The following PLAAT5 variants were observed in gnomAD, a reference collection of about 807,000 sequenced individuals.
PLAAT5 encodes the protein Ca(2+)-independent N-acyltransferase.
PLAAT5 carries 27 observed loss-of-function variants against 27.8 expected under a neutral mutation model. The ratio of observed to expected loss-of-function variants is 0.97; its 90% CI spans 0.72 to 1.34. PLAAT5 has a LOEUF of 1.34. Ranked by LOEUF, PLAAT5 falls within the 40% of genes most tolerant of loss-of-function variation. The pLI, the probability that PLAAT5 is intolerant of heterozygous loss-of-function variation, is 0.00. For synonymous variants in PLAAT5, 125 were observed against 136.1 expected, an observed-to-expected ratio of 0.92 and a Z score of 0.57; for missense variants, 368 against 343.8, an observed-to-expected ratio of 1.07 and a Z score of -0.56.
intron 3 of PLAAT5, among the ~76,000 whole-genome samples, chr11:63,480,399 A>G (rs2016255942): frequency 6.6e-6 from 1 of 152,218 alleles, no homozygotes; most frequent in Non-Finnish European, 1.5e-5. Context: ...TTGGAGAAGG[A>G]AAGAGGAGGG....
At chr11:63,463,809 C>T (rs1182288908) in intron 5 of PLAAT5, among the ~76,000 whole-genome samples, 2 of 152,188 alleles carry the variant, frequency 1.3e-5, no homozygotes, top group Non-Finnish European at 2.9e-5. Context: ...ACCCCTTCCT[C>T]CCTCTGTGCC....
In PLAAT5 at chr11:63,483,812, T is replaced by A. The variant is rs553405540; in HGVS notation, c.345+5059A>T. On this transcript the variant is annotated intron_variant, in intron 3 of 5. Coordinates refer to ENST00000540857, the MANE Select transcript of PLAAT5 (RefSeq NM_001146729.2). The stretch of plus-strand genomic sequence containing the variant: ...ATATATATATATATGTATATATATA[T>A]ATATATATATATATATATATATATA... Among the ~76,000 whole-genome samples, 455 of 97,318 alleles carry A rather than the reference T, an allele frequency of 4.7e-3. 12 individuals carry two copies. The highest frequency in any genetic ancestry group is 0.017 in the African/African-American group (426 of 24,866). The allele number at this position is 97,318 out of a possible 152,430, so 63.8% of individuals were successfully genotyped here. A position where few individuals can be genotyped will look rare whatever the true frequency, so the allele number is the denominator to read the frequency against.
intron 3 of PLAAT5, among the ~76,000 whole-genome samples, chr11:63,481,542 C>T (rs2016284652): frequency 6.6e-6 from 1 of 152,224 alleles, no homozygotes; most frequent in South Asian, 2.1e-4. Context: ...AGGCTGGCAA[C>T]CCAGCTCTGG....
intron 3 of PLAAT5, among the ~76,000 whole-genome samples, chr11:63,475,322 G>A (rs2016127195): frequency 6.6e-6 from 1 of 151,788 alleles, no homozygotes; most frequent in South Asian, 2.1e-4. Flanking sequence ...TACTTTTTGG[G>A]ATTATTTTGT....
intron 3 of PLAAT5, among the ~76,000 whole-genome samples, chr11:63,480,402 G>A (rs976571295): frequency 1.3e-5 from 2 of 152,236 alleles, no homozygotes; most frequent in African/African-American, 2.4e-5. Context: ...GAGAAGGAAA[G>A]AGGAGGGAAT....
chr11:63,487,685 A>G (rs2016468718), intron 3 of PLAAT5, among the ~76,000 whole-genome samples: 1 of 152,252 alleles, frequency 6.6e-6, no homozygotes. Context: ...AGACTCGTAC[A>G]TAAATGTTCA....
chr11:63,488,101 C>T (rs1473335948), intron 3 of PLAAT5, among the ~76,000 whole-genome samples: 2 of 152,118 alleles, frequency 1.3e-5, no homozygotes, highest in Non-Finnish European at 2.9e-5. Context: ...GCCAAGATCA[C>T]GCCACTGCAC....
In PLAAT5 at chr11:63,466,067, A is replaced by G. The variant is rs116788318; in HGVS notation, c.717+43T>C. On this transcript the variant is annotated intron_variant, in intron 5 of 5. Coordinates refer to ENST00000540857, the MANE Select transcript of PLAAT5 (RefSeq NM_001146729.2). The stretch of plus-strand genomic sequence containing the variant: ...CACTAATGAAATGACAAACCCCAAG[A>G]AAGCTCTGGAAGAAGCCATCATCAG... The G allele has an allele frequency of 2.6e-3, 4,064 of 1,588,910 alleles. 80 individuals carry two copies. In the African/African-American group the frequency reaches 0.047, roughly 19 times the overall value.
At chr11:63,474,080 A>C (rs1354747296) in intron 3 of PLAAT5, among the ~76,000 whole-genome samples, 1 of 152,028 alleles carries the variant, frequency 6.6e-6, no homozygotes, top group Non-Finnish European at 1.5e-5. Flanking sequence ...GTGTATAATC[A>C]TTTTTATATT....
intron 1 of PLAAT5, chr11:63,490,638 T>A: frequency 1.6e-6 from 1 of 610,256 alleles, no homozygotes; most frequent in Non-Finnish European, 2.9e-6. Context: ...GAGCCGGTCT[T>A]AACACCACCC....
At position 63,463,585 on chromosome 11, in the gene PLAAT5, G is replaced by T. The variant is rs199651000; in HGVS notation, c.728C>A (p.Ala243Asp). 42 of 1,613,366 alleles carry T rather than the reference G, an allele frequency of 2.6e-5. No individual in the cohort carries two copies. The highest frequency in any genetic ancestry group is 3.3e-5 in the Non-Finnish European group (39 of 1,179,940). The change falls in exon 6 of 6, where the codon GCC (alanine) becomes GAC (aspartate). Residue 243 changes from alanine (A) to aspartate (D), a missense_variant. Ala to Asp is a moderately radical substitution (Grantham distance 126, BLOSUM62 -2). Coordinates refer to ENST00000540857, the MANE Select transcript of PLAAT5 (RefSeq NM_001146729.2). ...AGCAGCCTTCGCTCCTTCCATCAGGGCGTGCTCTACCTGCAAAGCACATCA... is the reference window on the plus strand; with the variant it reads ...AGCAGCCTTCGCTCCTTCCATCAGGTCGTGCTCTACCTGCAAAGCACATCA... ...GVPRSQQVEH[A>D]LMEGAKAAGA...
At chr11:63,477,844 C>G (rs181670913) in intron 3 of PLAAT5, among the ~76,000 whole-genome samples, 1 of 152,202 alleles carries the variant, frequency 6.6e-6, no homozygotes, top group South Asian at 2.1e-4. Context: ...CCTTGTGCCG[C>G]GAAGGCTTTA....
intron 3 of PLAAT5, among the ~76,000 whole-genome samples, chr11:63,477,596 C>T (rs1013016586): frequency 6.6e-6 from 1 of 152,098 alleles, no homozygotes; most frequent in Admixed American, 6.5e-5. Context: ...CTGCCTCAGC[C>T]TCCTGAGTAG....
In PLAAT5 at chr11:63,461,668, C is replaced by T. The variant is rs2015719832; in HGVS notation, c.*1835G>A. ...ATCTTCAAAGTGTGGGGTATGCATTCCAGATCTCTCAGCCTGATGGACAGC... is the reference window on the plus strand; with the variant it reads ...ATCTTCAAAGTGTGGGGTATGCATTTCAGATCTCTCAGCCTGATGGACAGC... On this transcript the variant is annotated 3_prime_UTR_variant, in exon 6 of 6. Transcript: ENST00000540857. 6.6e-6 allele frequency: 1 copy of T among 152,166 alleles called. No individual in the cohort carries two copies. Among genetic ancestry groups the T allele is most frequent in the Non-Finnish European group, 1.5e-5 (1 of 68,042 alleles). The allele number at this position is 152,166 out of a possible 1,614,324, so 9.4% of individuals were successfully genotyped here. A position where few individuals can be genotyped will look rare whatever the true frequency, so the allele number is the denominator to read the frequency against.
intron 3 of PLAAT5, among the ~76,000 whole-genome samples, chr11:63,472,055 A>G (rs1192837178): frequency 6.6e-6 from 1 of 152,144 alleles, no homozygotes; most frequent in East Asian, 1.9e-4. Flanking sequence ...TGGGGGTTGG[A>G]GGAGGGAGAG....
chr11:63,464,619 G>A (rs182393729), intron 5 of PLAAT5, among the ~76,000 whole-genome samples: 5 of 152,074 alleles, frequency 3.3e-5, no homozygotes, highest in South Asian at 2.1e-4. Context: ...TCACGCCATC[G>A]CACTCCAGTC....
At chr11:63,476,515 C>G (rs2016154784) in intron 3 of PLAAT5, among the ~76,000 whole-genome samples, 1 of 152,138 alleles carries the variant, frequency 6.6e-6, no homozygotes, top group African/African-American at 2.4e-5. Context: ...TTTCTTTCAG[C>G]ATTTTTAATA....
intron 4 of PLAAT5, among the ~76,000 whole-genome samples, chr11:63,467,776 C>G (rs934391460): frequency 2.6e-5 from 4 of 152,294 alleles, no homozygotes; most frequent in African/African-American, 9.6e-5. Context: ...CACCTCCTCC[C>G]CCATCAAATC....
Position 63,490,941 on chromosome 11 carries a change from T to C in PLAAT5, c.94A>G (p.Thr32Ala), listed in dbSNP as rs1284627405. Reference sequence around the variant, plus strand: ...GCAGGCGGCTGGTCCTTGGGCCCGGTACTGGCGGTTCGCGAGGCGGGTTTG... The same window carrying C: ...GCAGGCGGCTGGTCCTTGGGCCCGGCACTGGCGGTTCGCGAGGCGGGTTTG... The part of the protein sequence containing the change: ...LPKPASRTAS[T>A]GPKDQPPALR... Residue 32 changes from threonine to alanine, a missense_variant, in exon 1 of 6, where the codon ACC (threonine) becomes GCC (alanine). By Grantham distance (58) the Thr-to-Ala change is moderately conservative. Coordinates refer to ENST00000540857, the MANE Select transcript of PLAAT5 (RefSeq NM_001146729.2). 15 of 1,601,954 alleles carry C rather than the reference T, an allele frequency of 9.4e-6. No individual in the cohort carries two copies. Among genetic ancestry groups the C allele is most frequent in the Non-Finnish European group, 1.3e-5 (15 of 1,174,656 alleles).
Sources: allele counts gnomAD v4.1 joint callset (sites outside exome capture counted in the v4.1 genomes callset), GRCh38; gene constraint gnomAD v4.1.1; transcripts MANE v1.5; gene names NCBI Gene and HGNC (gene_info 2026-07-23, HGNC 2026-07-21).